SORCS1: variants seen among roughly 807,000 people sequenced by gnomAD.
The protein encoded by SORCS1 is sortilin related VPS10 domain containing receptor 1, also known as VPS10 domain-containing receptor SorCS1.
SORCS1 carries 60 observed loss-of-function variants against 146.1 expected under a neutral mutation model. The observed-to-expected ratio is 0.41, with a 90% CI of 0.33 to 0.51. The LOEUF (loss-of-function observed/expected upper bound fraction) is 0.51, where lower values mean the gene tolerates loss of function less well. Ranked by LOEUF, SORCS1 falls within the 20% of genes least tolerant of loss-of-function variation. SORCS1 has a pLI of 0.21. For synonymous variants in SORCS1, 637 were observed against 584.0 expected, an observed-to-expected ratio of 1.09 and a Z score of -1.31; for missense variants, 1,352 against 1,487.6, an observed-to-expected ratio of 0.91 and a Z score of 1.50.
At chr10:107,071,228 GT>G (rs1388163335) in intron 1 of SORCS1, among the ~76,000 whole-genome samples, 2 of 152,034 alleles carry the variant, frequency 1.3e-5, no homozygotes, top group African/African-American at 4.8e-5. Flanking sequence ...ATTTTTTTAA[GT>G]GGTTGTTTTT....
At chr10:106,649,944 T>C (rs1305790258) in intron 18 of SORCS1, among the ~76,000 whole-genome samples, 2 of 152,226 alleles carry the variant, frequency 1.3e-5, no homozygotes, top group Admixed American at 6.5e-5. Flanking sequence ...TTCTATTTGG[T>C]ATTTCTTATT....
chr10:106,614,140 T>C (rs1056856778), intron 21 of SORCS1, among the ~76,000 whole-genome samples: 3 of 152,182 alleles, frequency 2.0e-5, no homozygotes, highest in Admixed American at 1.3e-4. Flanking sequence ...TAGCACACAG[T>C]AGGTTTTCAG....
At chr10:106,968,354 T>C (rs1330242836) in intron 1 of SORCS1, among the ~76,000 whole-genome samples, 4 of 152,238 alleles carry the variant, frequency 2.6e-5, no homozygotes. Flanking sequence ...ATTTCCATGC[T>C]CTCAAATCAG....
intron 6 of SORCS1, among the ~76,000 whole-genome samples, chr10:106,724,774 C>T (rs1342180326): frequency 6.6e-6 from 1 of 152,148 alleles, no homozygotes; most frequent in Non-Finnish European, 1.5e-5. Flanking sequence ...TTTCCTGTGT[C>T]AAATGTCTCA....
intron 8 of SORCS1, 32 bp downstream of exon 8, chr10:106,706,513 G>A (rs1407175370): frequency 2.5e-6 from 4 of 1,600,048 alleles, no homozygotes; most frequent in African/African-American, 1.3e-5. Context: ...TGAGAGTCAA[G>A]AGTGAAATGA....
chr10:106,860,284 T>C (rs1325649789), intron 2 of SORCS1, among the ~76,000 whole-genome samples: 1 of 152,228 alleles, frequency 6.6e-6, no homozygotes, highest in African/African-American at 2.4e-5. Context: ...CTTATCTTTT[T>C]AGCTTTGTGA....
chr10:106,867,969 A>C (rs1215198747), intron 2 of SORCS1, among the ~76,000 whole-genome samples: 2 of 152,238 alleles, frequency 1.3e-5, no homozygotes, highest in Admixed American at 1.3e-4. Context: ...GACCCATCTC[A>C]CATGTAATGA....
chr10:106,584,280 C>T (rs1845092911), intron 24 of SORCS1, among the ~76,000 whole-genome samples: 1 of 152,108 alleles, frequency 6.6e-6, no homozygotes, highest in Admixed American at 6.6e-5. Flanking sequence ...GAAACAAATC[C>T]AATCATCAGA....
At chr10:107,141,799 C>T (rs1374425680) in intron 1 of SORCS1, among the ~76,000 whole-genome samples, 1 of 152,200 alleles carries the variant, frequency 6.6e-6, no homozygotes, top group Non-Finnish European at 1.5e-5. Flanking sequence ...GCAGTATGTC[C>T]TGCACACAGG....
chr10:106,847,960 T>C (rs1261784127), intron 2 of SORCS1, among the ~76,000 whole-genome samples: 6 of 150,614 alleles, frequency 4.0e-5, no homozygotes, highest in Admixed American at 4.0e-4. Flanking sequence ...TAGTTTATTA[T>C]AATTTCTGTT....
chr10:106,985,810 C>T (rs1044978280), intron 1 of SORCS1, among the ~76,000 whole-genome samples: 1 of 151,128 alleles, frequency 6.6e-6, no homozygotes. Context: ...GCTGGGATTA[C>T]AGGTATCAGC....
chr10:106,840,863 ATTTT>A (rs59611702), intron 2 of SORCS1, among the ~76,000 whole-genome samples: 2 of 124,156 alleles, frequency 1.6e-5, no homozygotes, highest in South Asian at 2.7e-4. Context: ...ATATATATAT[ATTTT>A]TTTTTTTTGG....
intron 2 of SORCS1, among the ~76,000 whole-genome samples, chr10:106,886,130 C>A (rs1950992162): frequency 6.6e-6 from 1 of 152,182 alleles, no homozygotes; most frequent in Admixed American, 6.5e-5. Context: ...GGCATGGTAG[C>A]AGGCACCTGT....
chr10:106,886,500 A>G (rs1480380644), intron 2 of SORCS1, among the ~76,000 whole-genome samples: 4 of 152,132 alleles, frequency 2.6e-5, no homozygotes, highest in Non-Finnish European at 5.9e-5. Flanking sequence ...AACACTAACT[A>G]AGCTGTCCCA....
intron 2 of SORCS1, among the ~76,000 whole-genome samples, chr10:106,922,529 C>T (rs1378665226): frequency 6.6e-6 from 1 of 152,060 alleles, no homozygotes; most frequent in Non-Finnish European, 1.5e-5. Flanking sequence ...TTTTATTAGG[C>T]TTCTTTTAAG....
At chr10:106,733,250 A>C (rs897179136) in intron 5 of SORCS1, among the ~76,000 whole-genome samples, 12 of 152,186 alleles carry the variant, frequency 7.9e-5, no homozygotes, top group African/African-American at 2.9e-4. Context: ...ATCTATAGTA[A>C]AACAATTACA....
At chr10:106,861,080 A>G (rs1949994245) in intron 2 of SORCS1, among the ~76,000 whole-genome samples, 1 of 152,168 alleles carries the variant, frequency 6.6e-6, no homozygotes, top group Non-Finnish European at 1.5e-5. Context: ...CTGAAGACGC[A>G]GTGTTATTGT....
intron 5 of SORCS1, among the ~76,000 whole-genome samples, chr10:106,742,540 C>T (rs557094409): frequency 7.2e-4 from 109 of 152,164 alleles, no homozygotes; most frequent in African/African-American, 1.0e-3. Context: ...CCACCACACC[C>T]GGCTAATTTT....
chr10:106,831,423 T>C (rs921760482), intron 2 of SORCS1, among the ~76,000 whole-genome samples: 1 of 152,152 alleles, frequency 6.6e-6, no homozygotes, highest in Non-Finnish European at 1.5e-5. Context: ...GAAAGAAATA[T>C]AAACAAATAT....
Sources: gnomAD v4.1 joint callset for allele counts (sites outside exome capture counted in the v4.1 genomes callset) on GRCh38, gnomAD v4.1.1 for gene constraint, MANE v1.5 for transcripts, NCBI Gene and HGNC (gene_info 2026-07-23, HGNC 2026-07-21) for gene names.